The following PCDH15 variants were observed in gnomAD, a reference collection of about 807,000 sequenced individuals.
The protein encoded by PCDH15 is protocadherin related 15, also known as protocadherin-15.
PCDH15 carries 129 observed loss-of-function variants against 178.5 expected under a neutral mutation model. The observed-to-expected ratio is 0.72, with a 90% CI of 0.63 to 0.84. PCDH15 has a LOEUF of 0.84. PCDH15 is among the 40% of genes least tolerant of loss of function. The pLI, the probability that PCDH15 is intolerant of heterozygous loss-of-function variation, is 0.00. For synonymous variants in PCDH15, 800 were observed against 732.0 expected (o/e 1.09, Z -1.50); for missense variants, 2,230 against 2,099.9 (o/e 1.06, Z -1.21).
At position 54,137,748 on chromosome 10, in the gene PCDH15, C is replaced by A. The variant is rs2043024088; in HGVS notation, c.1785-4741G>T. On this transcript the variant is annotated intron_variant, in intron 14 of 37. Transcript: ENST00000644397. ...TTGTCACCAATTTCCTTAGCTGCAG[C>A]ACCAGATTAAAATCTTCTTCTTTGA... 2.0e-5 allele frequency among the ~76,000 whole-genome samples: 3 copies of A among 152,202 alleles called. No individual in the cohort carries two copies. The South Asian group carries it at 6.2e-4, about 31-fold the overall frequency.
upstream of PCDH15, among the ~76,000 whole-genome samples, chr10:54,802,952 A>G (rs1952711876): frequency 6.6e-6 from 1 of 152,170 alleles, no homozygotes; most frequent in African/African-American, 2.4e-5. Flanking sequence ...GCTGATTTTC[A>G]TTTTCAAAAG....
intron 9 of PCDH15, among the ~76,000 whole-genome samples, chr10:54,228,866 A>C (rs938134866): frequency 2.0e-4 from 31 of 152,204 alleles, no homozygotes; most frequent in African/African-American, 7.0e-4. Context: ...ATGTTTTACC[A>C]GCTCTTTCTA....
At chr10:55,224,351 A>G (rs762965565) in intron 1 of PCDH15, among the ~76,000 whole-genome samples, 3 of 152,148 alleles carry the variant, frequency 2.0e-5, no homozygotes, top group Admixed American at 6.5e-5. Context: ...CTCTCCTTGC[A>G]TAAGGGCTGT....
intron 28 of PCDH15, among the ~76,000 whole-genome samples, chr10:53,846,808 AT>A (rs1323937111): frequency 6.6e-6 from 1 of 151,810 alleles, no homozygotes; most frequent in Non-Finnish European, 1.5e-5. Context: ...CTTTTTATTT[AT>A]TTTTTTACAC....
chr10:54,025,468 C>A (rs1393487856), intron 18 of PCDH15, among the ~76,000 whole-genome samples: 2 of 151,730 alleles, frequency 1.3e-5, no homozygotes, highest in Non-Finnish European at 2.9e-5. Flanking sequence ...TAGAGGTCCC[C>A]ATATCCCTTG....
chr10:55,084,292 T>C (rs1311469793), intron 2 of PCDH15, among the ~76,000 whole-genome samples: 1 of 151,758 alleles, frequency 6.6e-6, no homozygotes. Flanking sequence ...AATCTCATTT[T>C]TGAATAAGGC....
intron 2 of PCDH15, among the ~76,000 whole-genome samples, chr10:54,533,210 C>T (rs1270877615): frequency 6.6e-6 from 1 of 152,008 alleles, no homozygotes; most frequent in African/African-American, 2.4e-5. Context: ...TTTTGTTTAG[C>T]CTAAAATAAA....
chr10:54,650,173 G>C (rs146220289), intron 2 of PCDH15, among the ~76,000 whole-genome samples: 12 of 152,174 alleles, frequency 7.9e-5, no homozygotes, highest in South Asian at 4.1e-4. Context: ...GTAATAAGTA[G>C]AATTTTAGTA....
intron 3 of PCDH15, among the ~76,000 whole-genome samples, chr10:54,468,027 G>T (rs934571276): frequency 6.6e-6 from 1 of 151,710 alleles, no homozygotes; most frequent in African/African-American, 2.4e-5. Context: ...CCATTTTTCT[G>T]ATTTATTTGG....
intron 2 of PCDH15, among the ~76,000 whole-genome samples, chr10:55,002,441 C>T (rs182594121): frequency 6.6e-6 from 1 of 152,252 alleles, no homozygotes; most frequent in African/African-American, 2.4e-5. Context: ...ATGCTTTGCT[C>T]ACAGTACTTT....
chr10:54,466,424 G>A (rs2077520132), intron 3 of PCDH15, among the ~76,000 whole-genome samples: 2 of 151,822 alleles, frequency 1.3e-5, no homozygotes, highest in South Asian at 4.1e-4. Context: ...ACCATTTATT[G>A]AAGAGGGTGT....
intron 2 of PCDH15, among the ~76,000 whole-genome samples, chr10:55,088,106 T>C (rs969656153): frequency 7.2e-5 from 11 of 152,114 alleles, no homozygotes; most frequent in Non-Finnish European, 1.3e-4. Context: ...CTAATACACA[T>C]AAACTACTCT....
At chr10:54,629,737 A>G (rs1474238110) in intron 2 of PCDH15, among the ~76,000 whole-genome samples, 6 of 152,216 alleles carry the variant, frequency 3.9e-5, no homozygotes, top group Non-Finnish European at 7.4e-5. Context: ...GAAGTCCTAG[A>G]CAGAGCAATC....
At chr10:54,600,223 A>G (rs778653838) in intron 2 of PCDH15, 1 of 594,100 alleles carries the variant, frequency 1.7e-6, no homozygotes, top group Non-Finnish European at 3.2e-6. Context: ...GAAAGAGACC[A>G]AAGAAGAGGG....
At chr10:54,628,526 C>T (rs7089000) in intron 2 of PCDH15, among the ~76,000 whole-genome samples, 1,853 of 152,120 alleles carry the variant, frequency 0.012, 37 homozygotes, top group African/African-American at 0.042. Context: ...CTTGATAATA[C>T]GTGGGAAATA....
intron 3 of PCDH15, among the ~76,000 whole-genome samples, chr10:54,457,171 G>C (rs2076879015): frequency 6.6e-6 from 1 of 152,094 alleles, no homozygotes; most frequent in South Asian, 2.1e-4. Flanking sequence ...CTAATTCAAA[G>C]CACAATTTTG....
At chr10:54,098,202 G>A (rs1406049356) in intron 15 of PCDH15, among the ~76,000 whole-genome samples, 2 of 127,802 alleles carry the variant, frequency 1.6e-5, no homozygotes, top group Non-Finnish European at 3.2e-5. Flanking sequence ...GTGTGTGTGT[G>A]TGTGTGTGTG....
rs372260896 is a variant in PCDH15, at chr10:54,043,815, C to A, written c.2221-20618G>T. On this transcript the variant is annotated intron_variant, in intron 18 of 37. Transcript: ENST00000644397. Reference sequence around the variant, plus strand: ...CACTTCAAAAAAACATACTGATTCTCTGGAACTTCTAGACTGAAAACTTCA... The same window carrying A: ...CACTTCAAAAAAACATACTGATTCTATGGAACTTCTAGACTGAAAACTTCA... Among the ~76,000 whole-genome samples the A allele has an allele frequency of 1.8e-4, 28 of 152,210 alleles. No homozygotes were observed. In the South Asian group the frequency reaches 5.8e-3, roughly 32 times the overall value.
chr10:54,201,447 T>C (rs1215194427), intron 10 of PCDH15, among the ~76,000 whole-genome samples: 2 of 151,824 alleles, frequency 1.3e-5, no homozygotes, highest in African/African-American at 4.8e-5. Context: ...ATAATCATAT[T>C]GCTTGTATAG....
Sources: allele counts gnomAD v4.1 joint callset (sites outside exome capture counted in the v4.1 genomes callset), GRCh38; gene constraint gnomAD v4.1.1; transcripts MANE v1.5; gene names NCBI Gene and HGNC (gene_info 2026-07-23, HGNC 2026-07-21).